The following RBFOX1 variants were observed in gnomAD, a reference collection of about 807,000 sequenced individuals.
The protein encoded by RBFOX1 is RNA binding fox-1 homolog 1, also known as RNA binding protein fox-1 homolog 1.
RBFOX1 carries 8 observed loss-of-function variants against 57.7 expected under a neutral mutation model. The observed-to-expected ratio is 0.14, with a 90% CI of 0.08 to 0.25. The LOEUF (loss-of-function observed/expected upper bound fraction) is 0.25, where lower values mean the gene tolerates loss of function less well. RBFOX1 is among the 10% of genes least tolerant of loss of function. The pLI, the probability that RBFOX1 is intolerant of heterozygous loss-of-function variation, is 1.00. For missense variants in RBFOX1, 611 were observed against 548.5 expected, an observed-to-expected ratio of 1.11 and a Z score of -1.14; for synonymous variants, 326 against 222.4, an observed-to-expected ratio of 1.47 and a Z score of -4.15.
At chr16:6,753,173 C>G (rs947475889) in intron 3 of RBFOX1, among the ~76,000 whole-genome samples, 5 of 151,814 alleles carry the variant, frequency 3.3e-5, no homozygotes, top group African/African-American at 1.2e-4. Context: ...TTGAAATGCA[C>G]CAAAAATAAG....
At chr16:7,677,548 C>A (rs1327053666) in intron 14 of RBFOX1, among the ~76,000 whole-genome samples, 1 of 152,070 alleles carries the variant, frequency 6.6e-6, no homozygotes, top group Non-Finnish European at 1.5e-5. Context: ...GTTTCTATCA[C>A]CCAGGCTGAA....
chr16:7,531,905 T>TC (rs2080179701), intron 5 of RBFOX1, among the ~76,000 whole-genome samples: 1 of 151,840 alleles, frequency 6.6e-6, no homozygotes, highest in South Asian at 2.1e-4. Context: ...CCCTAACCCA[T>TC]CCCCTTCCCC....
At chr16:6,001,968 CT>C (rs35956460) in intron 4 of RBFOX1, among the ~76,000 whole-genome samples, 31,274 of 135,858 alleles carry the variant, frequency 0.23, 3,617 homozygotes, top group African/African-American at 0.36. Flanking sequence ...GCTCTTAAAC[CT>C]TTTTTTTTTT....
intron 1 of RBFOX1, among the ~76,000 whole-genome samples, chr16:5,336,443 G>A (rs1019039723): frequency 1.3e-5 from 2 of 152,158 alleles, no homozygotes; most frequent in Admixed American, 6.5e-5. Flanking sequence ...CAGGACTTCC[G>A]TTGCCGAGGA....
chr16:7,199,880 G>C (rs747645717), intron 4 of RBFOX1, among the ~76,000 whole-genome samples: 1 of 151,900 alleles, frequency 6.6e-6, no homozygotes, highest in Non-Finnish European at 1.5e-5. Context: ...GGGCAACAGA[G>C]CAAGACTCTA....
chr16:6,393,850 T>C (rs541360464), intron 2 of RBFOX1, among the ~76,000 whole-genome samples: 10 of 152,128 alleles, frequency 6.6e-5, no homozygotes, highest in African/African-American at 2.4e-4. Flanking sequence ...AGCGGGATCA[T>C]TGTAAGAACT....
At chr16:6,529,015 A>G (rs185932422) in intron 2 of RBFOX1, among the ~76,000 whole-genome samples, 2 of 152,274 alleles carry the variant, frequency 1.3e-5, no homozygotes, top group Non-Finnish European at 2.9e-5. Flanking sequence ...CAGGTGTGCA[A>G]GAGAAACGCA....
chr16:6,888,380 C>G (rs965320771), intron 3 of RBFOX1, among the ~76,000 whole-genome samples: 1 of 151,960 alleles, frequency 6.6e-6, no homozygotes, highest in African/African-American at 2.4e-5. Context: ...TTGTGAAAAT[C>G]CAAACTTGGA....
intron 11 of RBFOX1, among the ~76,000 whole-genome samples, chr16:7,641,855 A>G (rs1458789015): frequency 6.6e-6 from 1 of 152,140 alleles, no homozygotes; most frequent in Non-Finnish European, 1.5e-5. Flanking sequence ...GCACTAAATG[A>G]GATTGTTGTG....
intron 1 of RBFOX1, among the ~76,000 whole-genome samples, chr16:5,292,401 A>AT (rs1450158211): frequency 1.3e-5 from 2 of 152,002 alleles, no homozygotes; most frequent in African/African-American, 2.4e-5. Flanking sequence ...TTCATTGCTG[A>AT]TTTTTTTCAG....
At chr16:5,887,321 A>G (rs1162384570) in intron 4 of RBFOX1, among the ~76,000 whole-genome samples, 4 of 152,164 alleles carry the variant, frequency 2.6e-5, no homozygotes, top group Admixed American at 6.5e-5. Flanking sequence ...AAATGATGCA[A>G]CTTTTCTCCA....
intron 3 of RBFOX1, among the ~76,000 whole-genome samples, chr16:5,802,067 G>T (rs1485891913): frequency 6.6e-6 from 1 of 152,118 alleles, no homozygotes; most frequent in African/African-American, 2.4e-5. Flanking sequence ...TGATTCGCAG[G>T]TTCCTTGGAA....
intron 4 of RBFOX1, among the ~76,000 whole-genome samples, chr16:7,136,680 G>C (rs769967466): frequency 6.6e-6 from 1 of 152,146 alleles, no homozygotes; most frequent in Non-Finnish European, 1.5e-5. Context: ...GCCTCCCAAA[G>C]TGTTGGGATT....
intron 3 of RBFOX1, among the ~76,000 whole-genome samples, chr16:6,795,844 T>C (rs957847594): frequency 2.6e-5 from 4 of 151,994 alleles, no homozygotes; most frequent in Non-Finnish European, 1.5e-5. Context: ...AAATGACACA[T>C]GTATGTCAGC....
intron 1 of RBFOX1, among the ~76,000 whole-genome samples, chr16:6,253,801 T>C (rs17139688): frequency 0.59 from 89,292 of 151,686 alleles, 28,845 homozygotes; most frequent in East Asian, 0.81. Flanking sequence ...TTCTGAGTCG[T>C]CTGACCAGCT....
chr16:6,017,974 TG>T (rs1445296843), upstream of RBFOX1, among the ~76,000 whole-genome samples: 6 of 152,218 alleles, frequency 3.9e-5, no homozygotes, highest in African/African-American at 1.4e-4. Context: ...GGCTGGAATC[TG>T]GCCTTGTCCA....
intron 2 of RBFOX1, among the ~76,000 whole-genome samples, chr16:6,390,740 C>G (rs921410863): frequency 1.3e-5 from 2 of 152,062 alleles, no homozygotes; most frequent in Admixed American, 6.6e-5. Context: ...GTAGGGAGCA[C>G]CTATAAATAT....
chr16:5,955,291 TAAAATAAA>T (rs1567187387), intron 4 of RBFOX1, among the ~76,000 whole-genome samples: 27 of 19,144 alleles, frequency 1.4e-3, no homozygotes, highest in African/African-American at 8.9e-3. Flanking sequence ...CCCAATAAAA[TAAAATAAA>T]ATAAAATAAA....
At position 7,624,067 on chromosome 16, in the gene RBFOX1, T is replaced by A. The variant is rs546106200; in HGVS notation, c.677-6536T>A. Reference sequence around the variant, plus strand: ...AATAGCTTGTTTTTCATCTAAAATTTACCTCTGGTTGGTAAGGTTTTTGGT... The same window carrying A: ...AATAGCTTGTTTTTCATCTAAAATTAACCTCTGGTTGGTAAGGTTTTTGGT... On this transcript the variant is annotated intron_variant, in intron 10 of 15. Coordinates refer to ENST00000550418, the MANE Select transcript of RBFOX1 (RefSeq NM_018723.4). 7.2e-5 allele frequency among the ~76,000 whole-genome samples: 11 copies of A among 152,342 alleles called. No individual in the cohort carries two copies. The South Asian group carries it at 2.3e-3, about 32-fold the overall frequency.
Sources: gnomAD v4.1 joint callset for allele counts (sites outside exome capture counted in the v4.1 genomes callset) on GRCh38, gnomAD v4.1.1 for gene constraint, MANE v1.5 for transcripts, NCBI Gene and HGNC (gene_info 2026-07-23, HGNC 2026-07-21) for gene names.